The following ATG2A variants were observed in gnomAD, a reference collection of about 807,000 sequenced individuals.
ATG2A encodes the protein autophagy-related protein 2 homolog A.
In ATG2A, 103 loss-of-function variants were observed where a neutral mutation model predicts 214.2. The observed-to-expected ratio is 0.48, with a 90% CI of 0.41 to 0.57. The LOEUF is 0.57. Among genes scored for constraint, ATG2A ranks in the 20% least tolerant of loss-of-function variants. The pLI is 0.00. For missense variants in ATG2A, 2,312 were observed against 2,613.2 expected, an observed-to-expected ratio of 0.88 and a Z score of 2.51; for synonymous variants, 1,160 against 1,142.1, an observed-to-expected ratio of 1.02 and a Z score of -0.32.
In ATG2A at chr11:64,906,411, G is replaced by A. The variant is rs760180909; in HGVS notation, c.3106C>T (p.Arg1036Cys). ...TGGGGTCCCCGGCCCTGGCCCTTGC[G>A]GCCCGAGGCTCCCCGCTCGGTCACC... ...EGVTERGASG[R>C]KGQGRGPHML... The change falls in exon 21 of 41, where the codon CGC becomes TGC. Residue 1036 changes from arginine to cysteine, a missense_variant. Coordinates refer to ENST00000377264, the MANE Select transcript of ATG2A (RefSeq NM_015104.3). The A allele has an allele frequency of 5.3e-5, 86 of 1,613,142 alleles. No individual in the cohort carries two copies. Among genetic ancestry groups the A allele is most frequent in the South Asian group, 3.2e-4 (29 of 91,086 alleles).
At chr11:64,902,477 C>A in intron 27 of ATG2A, 39 bp downstream of exon 27, 1 of 1,532,114 alleles carries the variant, frequency 6.5e-7, no homozygotes, top group Non-Finnish European at 8.8e-7. Context: ...GGGGCCTGGC[C>A]GAGCTCTGGT....
intron 13 of ATG2A, 57 bp from the exon 14 acceptor site, chr11:64,909,981 A>G: frequency 1.3e-6 from 2 of 1,568,128 alleles, no homozygotes; most frequent in Admixed American, 3.4e-5. Flanking sequence ...TGTGACCAAG[A>G]GCCGAAGGAC....
rs1358245767 is a variant in ATG2A, at chr11:64,910,597, C to T, written c.1707+19G>A. ...ACACGCCATGGGGACAGCCTGGTGG[C>T]CTGGAGCGGGTGGGTTACCTTAGGC... On this transcript the variant is annotated intron_variant, in intron 12 of 40. Transcript: ENST00000377264. 6.3e-7 allele frequency: 1 copy of T among 1,581,722 alleles called. No individual in the cohort carries two copies. Among genetic ancestry groups the T allele is most frequent in the Admixed American group, 1.8e-5 (1 of 55,172 alleles).
At position 64,898,664 on chromosome 11, in the gene ATG2A, C is replaced by A. The variant is rs61745749; in HGVS notation, c.4643G>T (p.Arg1548Leu). The A allele has an allele frequency of 6.2e-7, 1 of 1,614,024 alleles. No homozygotes were observed. The highest frequency in any genetic ancestry group is 8.5e-7 in the Non-Finnish European group (1 of 1,179,988). Residue 1548 changes from arginine to leucine, a missense_variant, in exon 32 of 41, where the codon CGG becomes CTG. Transcript: ENST00000377264. The surrounding 1 kb of genome is among the most constrained non-coding windows in gnomAD (Gnocchi z 4.5). Reference protein sequence around the residue: ...NKFLYLHTSERMPRRAHSNML... With the variant: ...NKFLYLHTSELMPRRAHSNML... ...GTTAGAGTGGGCACGTCGCGGCATC[C>A]GCTCACTCGTGTGTAGGTACAGGAA...
rs868844738 is a variant in ATG2A, at chr11:64,902,050, T to G, written c.4031A>C (p.Lys1344Thr). The change falls in exon 29 of 41, where the codon AAG (lysine) becomes ACG (threonine). Residue 1344 changes from lysine to threonine, a missense_variant. Transcript: ENST00000377264. ...AGSLGSCSEE[K>T]EDEREEEGDG... is the part of the protein sequence containing the mutation. The stretch of plus-strand genomic sequence containing the variant: ...GCCCTCCTCTTCCCTTTCATCTTCC[T>G]TCTCCTCTGAGCATGACCCTAAGCT... The G allele has an allele frequency of 1.2e-6, 2 of 1,614,036 alleles. No individual in the cohort carries two copies. Among genetic ancestry groups the G allele is most frequent in the East Asian group, 4.5e-5 (2 of 44,884 alleles).
Position 64,903,252 on chromosome 11 carries a change from T to A in ATG2A, c.3612+36A>T. ...AGACTCCCTTGGCCCCTGCACCTGC[T>A]GTGGCTCCAGGAGCCAGAGTGACAG... On this transcript the variant is annotated intron_variant, in intron 26 of 40. Transcript: ENST00000377264. The surrounding 1 kb of genome is among the most constrained non-coding windows in gnomAD (Gnocchi z 4.2). 1 of 1,600,934 alleles carries A rather than the reference T, an allele frequency of 6.2e-7. No homozygotes were observed. The highest frequency in any genetic ancestry group is 1.1e-5 in the South Asian group (1 of 90,648).
rs1373013880 is a variant in ATG2A at position 64,895,448 on chromosome 11, G to A, written c.5428-6C>T. ...TACACGGTCTCAGCTGTGGCCTGGGGGACATGGGAGCACTGGATGAGGACA... is the reference window on the plus strand; with the variant it reads ...TACACGGTCTCAGCTGTGGCCTGGGAGACATGGGAGCACTGGATGAGGACA... On this transcript the variant is annotated splice_polypyrimidine_tract_variant and splice_region_variant and intron_variant, in intron 39 of 40. Coordinates refer to ENST00000377264, the MANE Select transcript of ATG2A (RefSeq NM_015104.3). The surrounding 1 kb of genome is among the most constrained non-coding windows in gnomAD (Gnocchi z 5.0). 1.9e-6 allele frequency: 3 copies of A among 1,561,150 alleles called. No individual in the cohort carries two copies. Among genetic ancestry groups the A allele is most frequent in the South Asian group, 2.4e-5 (2 of 84,182 alleles).
chr11:64,898,899 G>T lies in ATG2A; in HGVS notation c.4465-57C>A. 2 of 1,519,994 alleles carry T rather than the reference G, an allele frequency of 1.3e-6. No homozygotes were observed. The highest frequency in any genetic ancestry group is 1.8e-6 in the Non-Finnish European group (2 of 1,116,256). The allele number at this position is 1,519,994 out of a possible 1,614,324, so 94.2% of individuals were successfully genotyped here. On this transcript the variant is annotated intron_variant, in intron 31 of 40. Coordinates refer to ENST00000377264, the MANE Select transcript of ATG2A (RefSeq NM_015104.3). The surrounding 1 kb of genome is among the most constrained non-coding windows in gnomAD (Gnocchi z 4.5). ...GCAGGGCCCCAAGAGGGAGGGAAGG[G>T]CTGGCCCCAGACCCCTTCTCTATTC...
chr11:64,910,577 C>G, intron 12 of ATG2A, 39 bp downstream of exon 12: 1 of 1,563,910 alleles, frequency 6.4e-7, no homozygotes, highest in Non-Finnish European at 8.6e-7. Context: ...GGTCAACACG[C>G]CATGGGGACA....
intron 31 of ATG2A, 52 bp downstream of exon 31, chr11:64,900,442 G>A: frequency 1.9e-6 from 3 of 1,610,350 alleles, no homozygotes; most frequent in South Asian, 2.2e-5. Flanking sequence ...CGAGAACAAG[G>A]CCCGTTGTTC....
rs373373872 is a variant in ATG2A, at chr11:64,906,306, G to T, written c.3183+28C>A. 7.3e-5 allele frequency: 117 copies of T among 1,610,948 alleles called. No individual in the cohort carries two copies. In the South Asian group the frequency reaches 9.9e-4, roughly 14 times the overall value. ...CCGGGGCTGCAGCCCAGGCTAGCAG[G>T]AGGGGTGGATGGTAGGCAAGCCCAT... On this transcript the variant is annotated intron_variant, in intron 21 of 40. Transcript: ENST00000377264.
chr11:64,916,300 G>T (rs1178945220), intron 1 of ATG2A, among the ~76,000 whole-genome samples: 1 of 152,162 alleles, frequency 6.6e-6, no homozygotes, highest in Non-Finnish European at 1.5e-5. Context: ...ACTGAGCCGG[G>T]GGGGTCGGTG....
At chr11:64,901,863 G>A in intron 29 of ATG2A, 99 bp downstream of exon 29, 2 of 1,379,002 alleles carry the variant, frequency 1.5e-6, no homozygotes, top group Non-Finnish European at 2.0e-6. Context: ...TCTCACCACG[G>A]GAGCTCCAGA....
Position 64,903,515 on chromosome 11 carries a change from A to G in ATG2A, c.3535+75T>C. 4 of 1,482,148 alleles carry G rather than the reference A, an allele frequency of 2.7e-6. No individual in the cohort carries two copies. Among genetic ancestry groups the G allele is most frequent in the Non-Finnish European group, 3.6e-6 (4 of 1,100,610 alleles). The allele number at this position is 1,482,148 out of a possible 1,614,324, so 91.8% of individuals were successfully genotyped here. A position where few individuals can be genotyped will look rare whatever the true frequency, so the allele number is the denominator to read the frequency against. ...GGACCCGGCCAGCAGCTGCGGGGAG[A>G]CACCTGGCTGCTCTGGGTGTGGCCG... On this transcript the variant is annotated intron_variant, in intron 25 of 40. Transcript: ENST00000377264. This position sits in a 1 kb window ranked among gnomAD's most constrained non-coding sequence, Gnocchi z 4.2.
chr11:64,910,273 G>T (rs1565059123), intron 12 of ATG2A, 78 bp from the exon 13 acceptor site: 1 of 1,502,980 alleles, frequency 6.7e-7, no homozygotes, highest in Admixed American at 2.3e-5. Flanking sequence ...CTCTGGTAGT[G>T]GGAGAAGAGC....
At chr11:64,901,217 T>C in intron 29 of ATG2A, 125 bp from the exon 30 acceptor site, 1 of 985,296 alleles carries the variant, frequency 1.0e-6, no homozygotes, top group East Asian at 2.7e-5. Context: ...CGGGTCATGT[T>C]CGGTCACCCA....
Position 64,913,896 on chromosome 11 carries a change from A to G in ATG2A, c.515T>C (p.Leu172Pro). ...GTGCTCCACCCTCACGACAGTGTCC[A>G]GGAAGGTCACTTTGATCCTCCGAAG... ...TVLRRIKVTF[L>P]DTVVRVEHSP... The change falls in exon 4 of 41, where the codon CTG becomes CCG. Residue 172 changes from leucine to proline, a missense_variant. Physicochemically the swap from Leu to Pro is moderately conservative, Grantham distance 98. Transcript: ENST00000377264. The surrounding 1 kb of genome is among the most constrained non-coding windows in gnomAD (Gnocchi z 4.3). The G allele has an allele frequency of 6.2e-7, 1 of 1,614,028 alleles. No homozygotes were observed. The highest frequency in any genetic ancestry group is 8.5e-7 in the Non-Finnish European group (1 of 1,179,998).
chr11:64,904,125 A>G (rs1478511810), intron 24 of ATG2A, among the ~76,000 whole-genome samples: 1 of 151,686 alleles, frequency 6.6e-6, no homozygotes. Context: ...GGGTGCCTGT[A>G]ATCCCAGCTA....
rs201916479 is a variant in ATG2A, at chr11:64,905,830, C to T, written c.3283G>A (p.Val1095Met). ...TAGCCCAGCACAGGGTCATCCAGCA[C>T]GTCTAGGAACTCCAACAACTTCAGA... ...WHSQLLEFLD[V>M]LDDPVLGYLP... The change falls in exon 23 of 41, where the codon GTG (valine) becomes ATG (methionine). Residue 1095 changes from valine (V) to methionine (M), a missense_variant. Transcript: ENST00000377264. 1.3e-4 allele frequency: 216 copies of T among 1,613,548 alleles called. No homozygotes were observed. Among genetic ancestry groups the T allele is most frequent in the Non-Finnish European group, 1.7e-4 (195 of 1,179,988 alleles).
Sources: gnomAD v4.1 joint callset for allele counts (sites outside exome capture counted in the v4.1 genomes callset) on GRCh38, gnomAD v4.1.1 for gene constraint, Gnocchi (gnomAD v3.1) non-coding constraint, MANE v1.5 for transcripts, NCBI Gene and HGNC (gene_info 2026-07-23, HGNC 2026-07-21) for gene names.